The following SMAD6 variants were observed in gnomAD, a reference collection of about 807,000 sequenced individuals.
SMAD6 encodes the protein MAD homolog 6.
SMAD6 carries 103 observed loss-of-function variants against 39.4 expected under a neutral mutation model. The observed-to-expected ratio is 2.62, with a 90% CI of 2.23 to 3.08. The LOEUF is 3.08. Among genes scored for constraint, SMAD6 ranks in the 30% most tolerant of loss-of-function variants. SMAD6 has a pLI of 0.00. For synonymous variants in SMAD6, 445 were observed against 353.3 expected (o/e 1.26, Z -2.91); for missense variants, 1,104 against 742.9 (o/e 1.49, Z -5.65).
At position 66,716,015 on chromosome 15, in the gene SMAD6, G is replaced by GAAGC. The variant is rs1893322403; in HGVS notation, c.875-402_875-399dup. On this transcript the variant is annotated intron_variant, in intron 2 of 3. Transcript: ENST00000288840. ...GGAAGGAAGGAAGAAAGGAAGGAAGGAAGCAAGAAGGAACAACTTCAAGAA... is the reference window on the plus strand; with the variant it reads ...GGAAGGAAGGAAGAAAGGAAGGAAGGAAGCAAGCAAGAAGGAACAACTTCAAGAA... Among the ~76,000 whole-genome samples, 4 of 151,854 alleles carry GAAGC rather than the reference G, an allele frequency of 2.6e-5. No individual in the cohort carries two copies. In the South Asian group the frequency reaches 8.3e-4, roughly 32 times the overall value.
chr15:66,750,098 C>T (rs1175837903), intron 3 of SMAD6, among the ~76,000 whole-genome samples: 1 of 152,140 alleles, frequency 6.6e-6, no homozygotes, highest in Admixed American at 6.5e-5. Context: ...TTGTGGGCTG[C>T]TGTGGGGGAC....
intron 2 of SMAD6, 103 bp from the exon 3 acceptor site, chr15:66,716,318 A>ACACATC (rs1311821095): frequency 1.1e-5 from 9 of 821,390 alleles, no homozygotes; most frequent in Non-Finnish European, 1.7e-5. Flanking sequence ...TTGCAAGCAC[A>ACACATC]CACATCCACA....
At chr15:66,717,865 A>C (rs892747669) in intron 3 of SMAD6, among the ~76,000 whole-genome samples, 3 of 152,074 alleles carry the variant, frequency 2.0e-5, no homozygotes, top group African/African-American at 7.3e-5. Context: ...CTTCTCTAAT[A>C]ATTTATTTCC....
At chr15:66,746,870 T>G (rs1442469443) in intron 3 of SMAD6, among the ~76,000 whole-genome samples, 1 of 152,146 alleles carries the variant, frequency 6.6e-6, no homozygotes, top group East Asian at 1.9e-4. Context: ...CTTCATGTGA[T>G]TCACAGACCC....
At chr15:66,710,300 A>C (rs1893202853) in intron 1 of SMAD6, among the ~76,000 whole-genome samples, 1 of 152,226 alleles carries the variant, frequency 6.6e-6, no homozygotes, top group South Asian at 2.1e-4. Flanking sequence ...ATTGGCATGG[A>C]GTGAGACACA....
intron 3 of SMAD6, chr15:66,717,522 A>G (rs775512813): frequency 1.4e-5 from 6 of 442,312 alleles, no homozygotes; most frequent in South Asian, 7.8e-5. Context: ...CCTTCAATAA[A>G]TGTATTTCCC....
chr15:66,710,860 CT>C (rs1440326468), intron 1 of SMAD6, among the ~76,000 whole-genome samples: 5 of 152,206 alleles, frequency 3.3e-5, no homozygotes, highest in African/African-American at 7.2e-5. Flanking sequence ...TGTTCCACCC[CT>C]GTCCTTTACA....
At chr15:66,716,174 A>G (rs1368832415) in intron 2 of SMAD6, among the ~76,000 whole-genome samples, 1 of 152,174 alleles carries the variant, frequency 6.6e-6, no homozygotes, top group Non-Finnish European at 1.5e-5. Flanking sequence ...GGGCAATGGC[A>G]GCGTTTTCAG....
chr15:66,782,370 AT>A lies in SMAD6; in HGVS notation c.*839del, dbSNP rs1894594093. 2 of 153,614 alleles carry A rather than the reference AT, an allele frequency of 1.3e-5. No homozygotes were observed. The highest frequency in any genetic ancestry group is 1.3e-4 in the Admixed American group (2 of 15,340). 9.5% of individuals were successfully genotyped at this position (153,614 alleles called of 1,614,324 possible). A position where few individuals can be genotyped will look rare whatever the true frequency, so the allele number is the denominator to read the frequency against. On this transcript the variant is annotated 3_prime_UTR_variant, in exon 4 of 4. Coordinates refer to ENST00000288840, the MANE Select transcript of SMAD6 (RefSeq NM_005585.5). ...CTAAAAGAAGACACTATTTCTCACC[AT>A]TTTGTGGAAATGGCCTGGGGAACAA...
At chr15:66,711,185 G>C (rs1273589307) in intron 1 of SMAD6, among the ~76,000 whole-genome samples, 1 of 152,164 alleles carries the variant, frequency 6.6e-6, no homozygotes, top group African/African-American at 2.4e-5. Context: ...ATGATGCCAT[G>C]TTTATCCAAA....
At chr15:66,725,838 A>G (rs749907507) in intron 3 of SMAD6, among the ~76,000 whole-genome samples, 8 of 152,112 alleles carry the variant, frequency 5.3e-5, no homozygotes, top group Non-Finnish European at 1.0e-4. Flanking sequence ...ATGAGGTGAA[A>G]TGGGGCACCC....
intron 3 of SMAD6, among the ~76,000 whole-genome samples, chr15:66,756,599 T>A (rs1894104344): frequency 1.3e-5 from 2 of 152,218 alleles, no homozygotes. Flanking sequence ...TTTCCATCGT[T>A]CTGTCTGCCC....
chr15:66,705,246 G>A (rs1353468720), intron 1 of SMAD6: 3 of 151,936 alleles, frequency 2.0e-5, no homozygotes, highest in Admixed American at 6.6e-5. Context: ...TTTGTCCTAG[G>A]TGTTTTGTTT....
intron 3 of SMAD6, among the ~76,000 whole-genome samples, chr15:66,734,408 A>T (rs1893679513): frequency 6.6e-6 from 1 of 152,182 alleles, no homozygotes; most frequent in Non-Finnish European, 1.5e-5. Flanking sequence ...TGGTCACTGC[A>T]GACAGCTCGG....
chr15:66,720,104 G>A (rs1156995424), intron 3 of SMAD6, among the ~76,000 whole-genome samples: 1 of 152,180 alleles, frequency 6.6e-6, no homozygotes, highest in Non-Finnish European at 1.5e-5. Context: ...CAAGGCCCCT[G>A]TCAGGCTGTC....
chr15:66,747,604 G>T lies in SMAD6; in HGVS notation c.952+31106G>T, dbSNP rs891006548. 7.9e-5 allele frequency among the ~76,000 whole-genome samples: 12 copies of T among 152,234 alleles called. No homozygotes were observed. Among genetic ancestry groups the T allele is most frequent in the Non-Finnish European group, 1.2e-4 (8 of 68,040 alleles). On this transcript the variant is annotated intron_variant, in intron 3 of 3. Transcript: ENST00000288840. The surrounding 1 kb of genome is among the most constrained non-coding windows in gnomAD (Gnocchi z 4.5). Reference sequence around the variant, plus strand: ...CTTCTCACCTGAAGCTAATTCCCAGGTAGTTTTTAAGACTAGGTTAGCCTT... The same window carrying T: ...CTTCTCACCTGAAGCTAATTCCCAGTTAGTTTTTAAGACTAGGTTAGCCTT...
rs2140684153 is a variant in SMAD6, at chr15:66,782,800, G to A, written c.*1265G>A. ...TATATTAACATATTAAGTGCTCTGAGAAGTCCTGTGTATTATCTCTTGCTG... is the reference window on the plus strand; with the variant it reads ...TATATTAACATATTAAGTGCTCTGAAAAGTCCTGTGTATTATCTCTTGCTG... On this transcript the variant is annotated 3_prime_UTR_variant, in exon 4 of 4. Transcript: ENST00000288840. 1 of 152,354 alleles carries A rather than the reference G, an allele frequency of 6.6e-6. No individual in the cohort carries two copies. The highest frequency in any genetic ancestry group is 1.5e-5 in the Non-Finnish European group (1 of 68,032). 9.4% of individuals were successfully genotyped at this position (152,354 alleles called of 1,614,324 possible).
At chr15:66,752,620 A>G (rs141035939) in intron 3 of SMAD6, among the ~76,000 whole-genome samples, 1 of 152,034 alleles carries the variant, frequency 6.6e-6, no homozygotes, top group Non-Finnish European at 1.5e-5. Context: ...CCCTGTCTCT[A>G]CAAAAAAAAA....
rs181822109 is a variant in SMAD6, at chr15:66,709,866, C to A, written c.818-1802C>A. 1.3e-4 allele frequency among the ~76,000 whole-genome samples: 20 copies of A among 152,336 alleles called. No individual in the cohort carries two copies. The East Asian group carries it at 3.9e-3, about 29-fold the overall frequency. ...CTGCCTCTTATCCTGAGAGGCTGGT[C>A]CTCACTCAAGGCTGGCCTCTAGGCC... On this transcript the variant is annotated intron_variant, in intron 1 of 3. Transcript: ENST00000288840.
Sources: gnomAD v4.1 joint callset for allele counts (sites outside exome capture counted in the v4.1 genomes callset) on GRCh38, gnomAD v4.1.1 for gene constraint, Gnocchi (gnomAD v3.1) non-coding constraint, MANE v1.5 for transcripts, NCBI Gene and HGNC (gene_info 2026-07-23, HGNC 2026-07-21) for gene names.